NXPH1: variants seen among roughly 807,000 people sequenced by gnomAD.
NXPH1 encodes the protein neurexophilin-1.
In NXPH1, 5 loss-of-function variants were observed where a neutral mutation model predicts 23.7. That is an observed-to-expected ratio of 0.21 (90% CI 0.11 to 0.44). The LOEUF (loss-of-function observed/expected upper bound fraction) is 0.44, where lower values mean the gene tolerates loss of function less well. Ranked by LOEUF, NXPH1 falls within the 20% of genes least tolerant of loss-of-function variation. The pLI, the probability that NXPH1 is intolerant of heterozygous loss-of-function variation, is 0.99. For missense variants in NXPH1, 324 were observed against 321.6 expected, an observed-to-expected ratio of 1.01 and a Z score of -0.06; for synonymous variants, 144 against 122.2, an observed-to-expected ratio of 1.18 and a Z score of -1.18.
intron 2 of NXPH1, among the ~76,000 whole-genome samples, chr7:8,482,719 G>T (rs981636559): frequency 6.6e-6 from 1 of 152,094 alleles, no homozygotes; most frequent in Non-Finnish European, 1.5e-5. Flanking sequence ...TTAATACTAT[G>T]GTCAATCAAT....
intron 2 of NXPH1, among the ~76,000 whole-genome samples, chr7:8,688,591 T>C (rs1213048010): frequency 6.6e-6 from 1 of 152,202 alleles, no homozygotes; most frequent in Non-Finnish European, 1.5e-5. Context: ...AAAGATGCGA[T>C]AGAAAGTAAG....
intron 2 of NXPH1, among the ~76,000 whole-genome samples, chr7:8,697,539 T>C (rs1468684075): frequency 1.3e-5 from 2 of 152,154 alleles, no homozygotes. Flanking sequence ...GAGAAGAGTA[T>C]TGTCAGAGAT....
intron 2 of NXPH1, among the ~76,000 whole-genome samples, chr7:8,535,016 T>G (rs1051293839): frequency 3.4e-5 from 5 of 148,528 alleles, no homozygotes; most frequent in Non-Finnish European, 7.4e-5. Flanking sequence ...ACATATCATT[T>G]AATATTTAGA....
chr7:8,741,111 A>C (rs1473704966), intron 2 of NXPH1, among the ~76,000 whole-genome samples: 2 of 152,094 alleles, frequency 1.3e-5, no homozygotes, highest in African/African-American at 4.8e-5. Flanking sequence ...AGTTCCACTT[A>C]TTTGGATTCC....
chr7:8,458,395 C>T (rs1180266118), intron 2 of NXPH1, among the ~76,000 whole-genome samples: 6 of 152,190 alleles, frequency 3.9e-5, no homozygotes. Flanking sequence ...CATTCTAATA[C>T]AGATTCCTAA....
intron 2 of NXPH1, among the ~76,000 whole-genome samples, chr7:8,497,052 C>T (rs961792349): frequency 2.6e-5 from 4 of 152,044 alleles, no homozygotes; most frequent in Non-Finnish European, 5.9e-5. Flanking sequence ...TGATGTTCCC[C>T]ACCCTGTGTC....
chr7:8,525,857 G>T (rs1174568990), intron 2 of NXPH1, among the ~76,000 whole-genome samples: 1 of 152,220 alleles, frequency 6.6e-6, no homozygotes, highest in African/African-American at 2.4e-5. Flanking sequence ...TTTGCTGCAG[G>T]GGTGGAGCCC....
chr7:8,693,347 A>T (rs1403579085), intron 2 of NXPH1, among the ~76,000 whole-genome samples: 1 of 152,168 alleles, frequency 6.6e-6, no homozygotes, highest in Non-Finnish European at 1.5e-5. Flanking sequence ...TATACACAGC[A>T]TCCCTTCCTA....
At chr7:8,462,766 T>C (rs1816717008) in intron 2 of NXPH1, among the ~76,000 whole-genome samples, 1 of 152,262 alleles carries the variant, frequency 6.6e-6, no homozygotes, top group Admixed American at 6.5e-5. Flanking sequence ...ACAGAATACT[T>C]GAGATGAATA....
chr7:8,515,995 C>A (rs73233611), intron 2 of NXPH1, among the ~76,000 whole-genome samples: 1 of 152,078 alleles, frequency 6.6e-6, no homozygotes, highest in Non-Finnish European at 1.5e-5. Context: ...GTGCATGCAC[C>A]AACTTCTGTC....
At chr7:8,453,169 A>G (rs775817150) in intron 2 of NXPH1, among the ~76,000 whole-genome samples, 18 of 152,232 alleles carry the variant, frequency 1.2e-4, no homozygotes, top group Admixed American at 3.3e-4. Context: ...AAGGGGAGAG[A>G]GGGAGAGGAA....
intron 2 of NXPH1, among the ~76,000 whole-genome samples, chr7:8,692,467 A>T (rs1269499420): frequency 2.0e-5 from 3 of 152,190 alleles, no homozygotes; most frequent in Non-Finnish European, 4.4e-5. Context: ...ATAGGAATAT[A>T]ATAGTTGGTG....
intron 2 of NXPH1, among the ~76,000 whole-genome samples, chr7:8,617,198 G>A (rs1819763098): frequency 6.6e-6 from 1 of 152,090 alleles, no homozygotes; most frequent in Admixed American, 6.6e-5. Flanking sequence ...TGTCAATGGT[G>A]TTGAGATTGA....
chr7:8,738,222 T>C (rs913083408), intron 2 of NXPH1, among the ~76,000 whole-genome samples: 5 of 152,230 alleles, frequency 3.3e-5, no homozygotes, highest in African/African-American at 1.2e-4. Context: ...GCATTCTGGA[T>C]TTGGAATTTC....
At chr7:8,498,445 C>G (rs542848395) in intron 2 of NXPH1, among the ~76,000 whole-genome samples, 1 of 151,882 alleles carries the variant, frequency 6.6e-6, no homozygotes, top group Non-Finnish European at 1.5e-5. Context: ...CTATTTTTTC[C>G]CCCTACTTTT....
rs77534509 is a variant in NXPH1, at chr7:8,697,440, A to G, written c.55-53568A>G. Among the ~76,000 whole-genome samples the G allele has an allele frequency of 9.8e-3, 1,486 of 152,284 alleles. 13 individuals are homozygous for G. Among genetic ancestry groups the G allele is most frequent in the Non-Finnish European group, 0.011 (772 of 68,014 alleles). Reference sequence around the variant, plus strand: ...AGAGATGATAGTGGCTCAGACTGCAATAGTAGCCATGGCTGCTATTAGTGG... The same window carrying G: ...AGAGATGATAGTGGCTCAGACTGCAGTAGTAGCCATGGCTGCTATTAGTGG... On this transcript the variant is annotated intron_variant, in intron 2 of 2. Coordinates refer to ENST00000405863, the MANE Select transcript of NXPH1 (RefSeq NM_152745.3).
chr7:8,557,862 A>T (rs893028179), intron 2 of NXPH1, among the ~76,000 whole-genome samples: 1 of 151,686 alleles, frequency 6.6e-6, no homozygotes, highest in South Asian at 2.1e-4. Flanking sequence ...ATTTAGTACC[A>T]TGTAAAGGCA....
chr7:8,737,985 G>C (rs761436774), intron 2 of NXPH1, among the ~76,000 whole-genome samples: 1 of 152,140 alleles, frequency 6.6e-6, no homozygotes, highest in Non-Finnish European at 1.5e-5. Flanking sequence ...AGCTCCATCA[G>C]GTCATTTATG....
At chr7:8,596,159 A>C (rs1819217859) in intron 2 of NXPH1, among the ~76,000 whole-genome samples, 2 of 152,072 alleles carry the variant, frequency 1.3e-5, no homozygotes, top group Admixed American at 1.3e-4. Flanking sequence ...GGACTATTGA[A>C]GTCCTGTTTC....
Sources: gnomAD v4.1 joint callset for allele counts (sites outside exome capture counted in the v4.1 genomes callset) on GRCh38, gnomAD v4.1.1 for gene constraint, MANE v1.5 for transcripts, NCBI Gene and HGNC (gene_info 2026-07-23, HGNC 2026-07-21) for gene names.